FAIM2: variants seen among roughly 807,000 people sequenced by gnomAD.
FAIM2 encodes Fas apoptotic inhibitory molecule 2.
Under a neutral mutation model 47.4 loss-of-function variants are expected in FAIM2, and 27 were observed. The ratio of observed to expected loss-of-function variants is 0.57; its 90% CI spans 0.42 to 0.78. The LOEUF (loss-of-function observed/expected upper bound fraction) is 0.78, where lower values mean the gene tolerates loss of function less well. Among genes scored for constraint, FAIM2 ranks in the 30% least tolerant of loss-of-function variants. The pLI, the probability that FAIM2 is intolerant of heterozygous loss-of-function variation, is 0.00. For synonymous variants in FAIM2, 156 were observed against 159.3 expected (o/e 0.98, Z 0.16); for missense variants, 311 against 389.4 (o/e 0.80, Z 1.69).
At chr12:49,881,709 G>T (rs547682439) in intron 11 of FAIM2, among the ~76,000 whole-genome samples, 1 of 152,324 alleles carries the variant, frequency 6.6e-6, no homozygotes, top group African/African-American at 2.4e-5. Context: ...GGTCAGGGCT[G>T]TTCAGCTGGC....
At chr12:49,894,758 A>T (rs572567877) in intron 5 of FAIM2, among the ~76,000 whole-genome samples, 1 of 152,318 alleles carries the variant, frequency 6.6e-6, no homozygotes, top group South Asian at 2.1e-4. Context: ...CTGGATTTCT[A>T]CCCTGGTTAT....
At chr12:49,891,938 A>C (rs1282351496) in intron 5 of FAIM2, among the ~76,000 whole-genome samples, 1 of 152,060 alleles carries the variant, frequency 6.6e-6, no homozygotes, top group Non-Finnish European at 1.5e-5. Context: ...CCAAGGGTGG[A>C]GCTCGCCCAT....
At chr12:49,876,082 T>C (rs140136964) in intron 11 of FAIM2, among the ~76,000 whole-genome samples, 143 of 152,332 alleles carry the variant, frequency 9.4e-4, no homozygotes, top group African/African-American at 3.3e-3. Context: ...AGAAAGGGCA[T>C]GAGTCCAGTA....
At chr12:49,879,405 AGT>A (rs1481780051) in intron 11 of FAIM2, among the ~76,000 whole-genome samples, 1 of 105,172 alleles carries the variant, frequency 9.5e-6, no homozygotes, top group Non-Finnish European at 2.1e-5. Flanking sequence ...TGTCCATGTG[AGT>A]GTGCATGTGA....
rs1565621259 is a variant in FAIM2 at position 49,901,262 on chromosome 12, CCTT to C, written c.76_78del (p.Lys26del). On this transcript the variant is annotated inframe_deletion, in exon 2 of 12. Transcript: ENST00000320634. The stretch of plus-strand genomic sequence containing the variant: ...GGGGCTGAGGGCACTGCTGGAGCCT[CCTT>C]CTTCTCGCCATGCACCTGCTGCTGC... 1 of 1,610,170 alleles carries C rather than the reference CCTT, an allele frequency of 6.2e-7. No homozygotes were observed. The highest frequency in any genetic ancestry group is 2.3e-5 in the East Asian group (1 of 44,362).
intron 11 of FAIM2, among the ~76,000 whole-genome samples, chr12:49,882,909 G>A (rs1385767740): frequency 6.6e-6 from 1 of 152,182 alleles, no homozygotes; most frequent in East Asian, 1.9e-4. Context: ...GACAGACAAT[G>A]AGCAACAGAT....
At chr12:49,890,297 G>T in intron 7 of FAIM2, 143 bp from the exon 8 acceptor site, 1 of 744,180 alleles carries the variant, frequency 1.3e-6, no homozygotes. Flanking sequence ...CTGACTTTCG[G>T]GAGTCAGGCC....
At chr12:49,897,867 C>G (rs934436663) in intron 3 of FAIM2, 120 bp downstream of exon 3, 1 of 770,202 alleles carries the variant, frequency 1.3e-6, no homozygotes, top group Non-Finnish European at 2.3e-6. Context: ...GTGCTGTCAG[C>G]TGGGATCACA....
At chr12:49,877,883 T>TGC (rs1592784696) in intron 11 of FAIM2, among the ~76,000 whole-genome samples, 1 of 151,682 alleles carries the variant, frequency 6.6e-6, no homozygotes, top group East Asian at 1.9e-4. Context: ...TACATATATG[T>TGC]GTATGTGGGT....
At position 49,870,364 on chromosome 12, in the gene FAIM2, G is replaced by A; in HGVS notation, c.*140C>T. ...GTATGTACAAGCGGCAGAGGGCTGG[G>A]CTGGGCTGGGGTAGACAGTGACCTG... On this transcript the variant is annotated 3_prime_UTR_variant, in exon 12 of 12. Coordinates refer to ENST00000320634, the MANE Select transcript of FAIM2 (RefSeq NM_012306.4). 1 of 757,304 alleles carries A rather than the reference G, an allele frequency of 1.3e-6. No homozygotes were observed. The allele number at this position is 757,304 out of a possible 1,614,324, so 46.9% of individuals were successfully genotyped here.
chr12:49,880,197 CAT>C lies in FAIM2; in HGVS notation c.801+7187_801+7188del, dbSNP rs1491367571. Among the ~76,000 whole-genome samples, 13 of 59,568 alleles carry C rather than the reference CAT, an allele frequency of 2.2e-4. No homozygotes were observed. The East Asian group carries it at 3.6e-3, about 16-fold the overall frequency. The allele number at this position is 59,568 out of a possible 152,430, so 39.1% of individuals were successfully genotyped here. A position where few individuals can be genotyped will look rare whatever the true frequency, so the allele number is the denominator to read the frequency against. ...GTGTGTATGCATGTGTGTATATGTG[CAT>C]GTGTGTGTGCATGTGTGTATATGTG... is the stretch of plus-strand genomic sequence containing the variant. On this transcript the variant is annotated intron_variant, in intron 11 of 11. Transcript: ENST00000320634.
At chr12:49,880,618 A>G (rs905956483) in intron 11 of FAIM2, among the ~76,000 whole-genome samples, 6 of 77,446 alleles carry the variant, frequency 7.7e-5, no homozygotes, top group Admixed American at 2.9e-4. Flanking sequence ...ATGTGAGTGT[A>G]TGTGCATGTG....
chr12:49,899,107 T>C (rs529551712), intron 2 of FAIM2, among the ~76,000 whole-genome samples: 1 of 152,134 alleles, frequency 6.6e-6, no homozygotes, highest in Non-Finnish European at 1.5e-5. Context: ...ATAAAGTTAC[T>C]GGCCTTCCCT....
At chr12:49,892,272 G>A (rs905619) in intron 5 of FAIM2, among the ~76,000 whole-genome samples, 26,769 of 151,754 alleles carry the variant, frequency 0.18, 3,845 homozygotes, top group East Asian at 0.42. Context: ...ATTGCCCGGG[G>A]ATCTCCATTA....
chr12:49,886,335 A>G (rs1946860923), intron 11 of FAIM2, among the ~76,000 whole-genome samples: 1 of 152,010 alleles, frequency 6.6e-6, no homozygotes, highest in Non-Finnish European at 1.5e-5. Flanking sequence ...GCCACTCCCC[A>G]CTTAGCCTCA....
At chr12:49,880,313 T>C (rs1026753299) in intron 11 of FAIM2, among the ~76,000 whole-genome samples, 10 of 147,220 alleles carry the variant, frequency 6.8e-5, no homozygotes, top group African/African-American at 2.1e-4. Flanking sequence ...TGCATGTGTG[T>C]ATGTGTATGT....
intron 11 of FAIM2, among the ~76,000 whole-genome samples, chr12:49,884,154 G>A (rs1405661594): frequency 1.2e-4 from 18 of 152,016 alleles, no homozygotes; most frequent in Admixed American, 1.2e-3. Flanking sequence ...AACCCAGGAG[G>A]CAGAGGTTGC....
intron 1 of FAIM2, chr12:49,901,624 T>C (rs1383556819): frequency 3.4e-6 from 1 of 292,920 alleles, no homozygotes; most frequent in African/African-American, 2.2e-5. Context: ...GGGCAGGGTC[T>C]CTATGGTTCC....
rs1021149163 is a variant in FAIM2 at position 49,874,210 on chromosome 12, G to A, written c.802-3557C>T. On this transcript the variant is annotated intron_variant, in intron 11 of 11. Coordinates refer to ENST00000320634, the MANE Select transcript of FAIM2 (RefSeq NM_012306.4). This position sits in a 1 kb window ranked among gnomAD's most constrained non-coding sequence, Gnocchi z 4.2. ...ACTCTGCAGGAGGAGCACATGGGATGGGGCAGGAGGCCCCCTGGGACAAGG... is the reference window on the plus strand; with the variant it reads ...ACTCTGCAGGAGGAGCACATGGGATAGGGCAGGAGGCCCCCTGGGACAAGG... Among the ~76,000 whole-genome samples the A allele has an allele frequency of 6.6e-6, 1 of 152,188 alleles. No homozygotes were observed. The highest frequency in any genetic ancestry group is 1.5e-5 in the Non-Finnish European group (1 of 68,026).
Sources: gnomAD v4.1 joint callset for allele counts (sites outside exome capture counted in the v4.1 genomes callset) on GRCh38, gnomAD v4.1.1 for gene constraint, Gnocchi (gnomAD v3.1) non-coding constraint, MANE v1.5 for transcripts, NCBI Gene and HGNC (gene_info 2026-07-23, HGNC 2026-07-21) for gene names.